MGA: variants seen among roughly 807,000 people sequenced by gnomAD.
The protein encoded by MGA is MAX gene-associated protein.
In MGA, 40 loss-of-function variants were observed where a neutral mutation model predicts 261.1. The observed-to-expected ratio is 0.15, with a 90% CI of 0.12 to 0.20. The LOEUF is 0.20. Among genes scored for constraint, MGA ranks in the 10% least tolerant of loss-of-function variants. The probability of loss-of-function intolerance (pLI) is 1.00; values close to 1 mark genes in which losing one functional copy is unlikely to be tolerated. For synonymous variants in MGA, 1,302 were observed against 1,290.6 expected (o/e 1.01, Z -0.19); for missense variants, 3,397 against 3,630.5 (o/e 0.94, Z 1.65).
chr15:41,756,016 C>CA lies in MGA; in HGVS notation c.7139+1460dup, dbSNP rs563813657. Among the ~76,000 whole-genome samples the CA allele has an allele frequency of 1.0e-3, 135 of 134,004 alleles. 1 individual carries two copies. The South Asian group carries it at 0.013, about 13-fold the overall frequency. 87.9% of individuals were successfully genotyped at this position (134,004 alleles called of 152,430 possible). A position where few individuals can be genotyped will look rare whatever the true frequency, so the allele number is the denominator to read the frequency against. ...CCTGAGACACAGTGAGACTCCATCTCAAAAAAAAAAATTAAAGATTTAATT... is the reference window on the plus strand; with the variant it reads ...CCTGAGACACAGTGAGACTCCATCTCAAAAAAAAAAAATTAAAGATTTAATT... On this transcript the variant is annotated intron_variant, in intron 18 of 23. Coordinates refer to ENST00000219905, the MANE Select transcript of MGA (RefSeq NM_001164273.2).
chr15:41,628,706 G>A (rs1056638599), intron 1 of MGA, among the ~76,000 whole-genome samples: 23 of 152,104 alleles, frequency 1.5e-4, no homozygotes, highest in African/African-American at 5.1e-4. Flanking sequence ...GAGAATTGGC[G>A]GGGCTCAGAT....
In MGA at chr15:41,749,329, G is replaced by C. The variant is rs2062700209; in HGVS notation, c.5722G>C (p.Glu1908Gln). The C allele has an allele frequency of 6.2e-7, 1 of 1,613,976 alleles. No individual in the cohort carries two copies. The highest frequency in any genetic ancestry group is 8.5e-7 in the Non-Finnish European group (1 of 1,179,886). ...ATTGACCCTGAGGATTTCTCCTCCT[G>C]AACCACAAAGCTTTGCAAGTAAAAC... Residue 1908 changes from glutamate (E) to glutamine (Q), a missense_variant, in exon 17 of 24, where the codon GAA (glutamate) becomes CAA (glutamine). Transcript: ENST00000219905.
At chr15:41,653,052 C>T (rs2057099382) in intron 1 of MGA, among the ~76,000 whole-genome samples, 1 of 152,106 alleles carries the variant, frequency 6.6e-6, no homozygotes, top group Non-Finnish European at 1.5e-5. Flanking sequence ...TCTCTATTTC[C>T]ATACAGCTTT....
intron 1 of MGA, chr15:41,621,556 C>G (rs1289829349): frequency 6.6e-6 from 1 of 152,246 alleles, no homozygotes; most frequent in Non-Finnish European, 1.5e-5. Flanking sequence ...GCGAGCGGAG[C>G]GGCGCGTGGG....
In MGA at chr15:41,749,617, G is replaced by A; in HGVS notation, c.6010G>A (p.Glu2004Lys). Residue 2004 changes from glutamate (E) to lysine (K), a missense_variant, in exon 17 of 24, where the codon GAG becomes AAG. Glu to Lys is a moderately conservative substitution (Grantham distance 56, BLOSUM62 1). Transcript: ENST00000219905. ...GTCAGAAGGAGAGGCTGTAGACCCT[G>A]AGGCTAATGTAATAAAACAAAACTC... 1.2e-6 allele frequency: 2 copies of A among 1,613,868 alleles called. No homozygotes were observed. The highest frequency in any genetic ancestry group is 1.7e-6 in the Non-Finnish European group (2 of 1,179,862).
Position 41,696,928 on chromosome 15 carries a change from A to G in MGA, c.1918A>G (p.Lys640Glu), listed in dbSNP as rs760445639. 3 of 1,602,988 alleles carry G rather than the reference A, an allele frequency of 1.9e-6. No homozygotes were observed. Among genetic ancestry groups the G allele is most frequent in the Admixed American group, 1.7e-5 (1 of 58,308 alleles). The change falls in exon 3 of 24, where the codon AAG becomes GAG. Residue 640 changes from lysine (K) to glutamate (E), a missense_variant. This residue lies in a region of MGA where 563 missense variants were observed against 563.6 expected (regional missense o/e 1.00). Transcript: ENST00000219905. Reference sequence around the variant, plus strand: ...CACAGGAAAGTCTTTAATTTCTACAAAGAATACACCTGTAAGCCCTGGGAG... The same window carrying G: ...CACAGGAAAGTCTTTAATTTCTACAGAGAATACACCTGTAAGCCCTGGGAG...
At position 41,708,181 on chromosome 15, in the gene MGA, C is replaced by T; in HGVS notation, c.2398C>T (p.His800Tyr). Residue 800 changes from histidine to tyrosine, a missense_variant, in exon 7 of 24, where the codon CAT (histidine) becomes TAT (tyrosine). Coordinates refer to ENST00000219905, the MANE Select transcript of MGA (RefSeq NM_001164273.2). ...GATCAAGGGATGGAGGGGAAAATTT[C>T]ATAGTGCTTCTGCATCTAGGAATGA... 6.3e-7 allele frequency: 1 copy of T among 1,598,110 alleles called. No individual in the cohort carries two copies. The highest frequency in any genetic ancestry group is 8.5e-7 in the Non-Finnish European group (1 of 1,171,624).
rs982342110 is a variant in MGA, at chr15:41,742,714, A to G, written c.4754A>G (p.Glu1585Gly). Residue 1585 changes from glutamate to glycine, a missense_variant, in exon 15 of 24, where the codon GAG (glutamate) becomes GGG (glycine). Glu to Gly is a moderately conservative substitution (Grantham distance 98). Transcript: ENST00000219905. Reference sequence around the variant, plus strand: ...GTCGTCACACCTGTGGTTTCTTCTGAGCCAGTTCAGGTGTGCAGCCCTGTG... The same window carrying G: ...GTCGTCACACCTGTGGTTTCTTCTGGGCCAGTTCAGGTGTGCAGCCCTGTG... The G allele has an allele frequency of 6.2e-7, 1 of 1,613,880 alleles. No homozygotes were observed. The highest frequency in any genetic ancestry group is 1.7e-5 in the Admixed American group (1 of 60,006).
At chr15:41,742,396 G>A (rs2062164951) in intron 14 of MGA, 150 bp from the exon 15 acceptor site, 1 of 995,846 alleles carries the variant, frequency 1.0e-6, no homozygotes. Context: ...TCTTAAAAAA[G>A]AAAAAAAAGA....
chr15:41,722,983 G>C (rs1001039756), intron 9 of MGA, among the ~76,000 whole-genome samples: 2 of 152,158 alleles, frequency 1.3e-5, no homozygotes, highest in African/African-American at 4.8e-5. Flanking sequence ...TGAACAAAAG[G>C]CTTACTGAGA....
chr15:41,700,108 G>A (rs548499037), intron 5 of MGA, among the ~76,000 whole-genome samples: 50 of 138,232 alleles, frequency 3.6e-4, no homozygotes, highest in Admixed American at 3.3e-3. Context: ...GCAGTGGCAC[G>A]ATCTCAGCTC....
chr15:41,682,958 C>G (rs1306262610), intron 2 of MGA, among the ~76,000 whole-genome samples: 1 of 152,166 alleles, frequency 6.6e-6, no homozygotes, highest in Non-Finnish European at 1.5e-5. Flanking sequence ...CCTCATCTCT[C>G]TTCACCCCTC....
In MGA at chr15:41,711,492, G is replaced by A. The variant is rs941502607; in HGVS notation, c.3084+143G>A. ...GAACCTTCATGGGAACTAAGGCTAT[G>A]TCTTCCCCATTTGTTCTTTACCAAC... On this transcript the variant is annotated intron_variant, in intron 8 of 23. Coordinates refer to ENST00000219905, the MANE Select transcript of MGA (RefSeq NM_001164273.2). 11 of 810,100 alleles carry A rather than the reference G, an allele frequency of 1.4e-5. No homozygotes were observed. In the African/African-American group the frequency reaches 1.7e-4, roughly 13 times the overall value. The allele number at this position is 810,100 out of a possible 1,614,324, so 50.2% of individuals were successfully genotyped here. A position where few individuals can be genotyped will look rare whatever the true frequency, so the allele number is the denominator to read the frequency against.
chr15:41,745,727 C>G (rs2151886889), intron 15 of MGA, among the ~76,000 whole-genome samples: 1 of 152,210 alleles, frequency 6.6e-6, no homozygotes, highest in East Asian at 1.9e-4. Context: ...ATTTCAGTCT[C>G]CCGAGTAGCT....
intron 1 of MGA, among the ~76,000 whole-genome samples, chr15:41,665,758 C>A (rs929861540): frequency 6.6e-6 from 1 of 152,154 alleles, no homozygotes; most frequent in Non-Finnish European, 1.5e-5. Flanking sequence ...AAATCCCACA[C>A]CCATTAGCAG....
intron 1 of MGA, among the ~76,000 whole-genome samples, chr15:41,621,903 C>T (rs1175304143): frequency 1.3e-5 from 2 of 152,180 alleles, no homozygotes; most frequent in African/African-American, 2.4e-5. Context: ...TCGTGGCGTC[C>T]TGCTCCGCGG....
rs1265322056 is a variant in MGA, at chr15:41,748,582, C to T, written c.5213-55C>T. The T allele has an allele frequency of 2.3e-5, 36 of 1,534,096 alleles. No individual in the cohort carries two copies. In the Admixed American group the frequency reaches 2.7e-4, roughly 12 times the overall value. On this transcript the variant is annotated intron_variant, in intron 15 of 23. Transcript: ENST00000219905. ...AAAAATATTATGAATACTTTTTTTT[C>T]CTACGTGTGTTAAAGGGGAATTTGG... is the stretch of plus-strand genomic sequence containing the variant.
intron 17 of MGA, chr15:41,751,943 C>G (rs943700101): frequency 1.3e-5 from 2 of 152,188 alleles, no homozygotes; most frequent in African/African-American, 2.4e-5. Flanking sequence ...CATTCTGCCT[C>G]TGTGTTATCT....
At chr15:41,662,199 G>A (rs905910686) in intron 1 of MGA, among the ~76,000 whole-genome samples, 4 of 152,118 alleles carry the variant, frequency 2.6e-5, no homozygotes, top group African/African-American at 9.7e-5. Context: ...AAAGACTTGA[G>A]GAAATTCAGT....
Sources: gnomAD v4.1 joint callset for allele counts (sites outside exome capture counted in the v4.1 genomes callset) on GRCh38, gnomAD v4.1.1 for gene constraint, gnomAD v4.1.1 regional missense constraint, MANE v1.5 for transcripts, NCBI Gene and HGNC (gene_info 2026-07-23, HGNC 2026-07-21) for gene names.